Variants in RPH3A observed in about 807,000 individuals in gnomAD.
RPH3A encodes the protein rabphilin 3A, also known as rabphilin-3A.
In RPH3A, 48 loss-of-function variants were observed where a neutral mutation model predicts 102.2. That is an observed-to-expected ratio of 0.47 (90% confidence interval 0.37 to 0.60). The LOEUF (loss-of-function observed/expected upper bound fraction) is 0.60. RPH3A is among the 20% of genes least tolerant of loss of function. The pLI, the probability that RPH3A is intolerant of heterozygous loss-of-function variation, is 0.00. For synonymous variants in RPH3A, 310 were observed against 324.3 expected (o/e 0.96, Z 0.47); for missense variants, 781 against 910.1 (o/e 0.86, Z 1.83).
rs149505251 is a variant in RPH3A at position 112,896,765 on chromosome 12, C to T, written c.2070C>T (p.His690=). 1.1e-5 allele frequency: 18 copies of T among 1,614,074 alleles called. No homozygotes were observed. The highest frequency in any genetic ancestry group is 1.1e-4 in the South Asian group (10 of 91,078). Residue 690 remains histidine, a synonymous_variant, in exon 22 of 22, where the codon CAC becomes CAT. Transcript: ENST00000389385. ...ERWHQLQNEN[H]VSSD is the part of the protein sequence containing the mutation. Reference sequence around the variant, plus strand: ...GGCACCAGCTACAGAATGAGAACCACGTGTCAAGTGATTAGGCTAGTGCCC... The same window carrying T: ...GGCACCAGCTACAGAATGAGAACCATGTGTCAAGTGATTAGGCTAGTGCCC...
chr12:112,685,511 A>G (rs1469597175), intron 1 of RPH3A, among the ~76,000 whole-genome samples: 1 of 152,202 alleles, frequency 6.6e-6, no homozygotes, highest in Non-Finnish European at 1.5e-5. Context: ...CAGACCTGCA[A>G]TGATGATGAA....
intron 19 of RPH3A, 66 bp downstream of exon 19, chr12:112,891,069 C>G (rs1036699625): frequency 1.9e-6 from 3 of 1,569,844 alleles, no homozygotes; most frequent in African/African-American, 1.4e-5. Context: ...AAAAGGAGAA[C>G]CAGACAGTTT....
chr12:112,812,762 AGAG>A (rs1565895433), intron 2 of RPH3A, among the ~76,000 whole-genome samples: 1 of 152,082 alleles, frequency 6.6e-6, no homozygotes, highest in South Asian at 2.1e-4. Flanking sequence ...AAAACTGGGG[AGAG>A]GAGGAGAGGA....
chr12:112,865,282 A>G, intron 5 of RPH3A, 132 bp from the exon 6 acceptor site: 1 of 1,056,338 alleles, frequency 9.5e-7, no homozygotes, highest in East Asian at 2.5e-5. Flanking sequence ...CTTGGGGAAG[A>G]GTTCACAACT....
At chr12:112,689,007 T>G (rs2040287525) in intron 1 of RPH3A, among the ~76,000 whole-genome samples, 1 of 152,244 alleles carries the variant, frequency 6.6e-6, no homozygotes, top group Non-Finnish European at 1.5e-5. Context: ...GTGACTGACT[T>G]GCTATCATCA....
At chr12:112,854,727 T>C (rs2042380393) in intron 5 of RPH3A, among the ~76,000 whole-genome samples, 1 of 152,254 alleles carries the variant, frequency 6.6e-6, no homozygotes, top group Non-Finnish European at 1.5e-5. Context: ...GCATCTCTGC[T>C]TTACAGCTGA....
intron 1 of RPH3A, among the ~76,000 whole-genome samples, chr12:112,636,410 C>T (rs1477730122): frequency 6.6e-6 from 1 of 152,178 alleles, no homozygotes; most frequent in Non-Finnish European, 1.5e-5. Flanking sequence ...TTATATAGAA[C>T]AGTGTTTCTC....
At chr12:112,805,160 C>T (rs10850083) in intron 2 of RPH3A, among the ~76,000 whole-genome samples, 17,094 of 152,112 alleles carry the variant, frequency 0.11, 1,100 homozygotes, top group East Asian at 0.29. Flanking sequence ...AAGATTGGTG[C>T]CCCTTTTTTG....
intron 1 of RPH3A, among the ~76,000 whole-genome samples, chr12:112,766,607 G>A (rs1472727593): frequency 6.6e-6 from 1 of 152,170 alleles, no homozygotes; most frequent in African/African-American, 2.4e-5. Context: ...AGCCACTCTA[G>A]ATACTACAGT....
intron 1 of RPH3A, among the ~76,000 whole-genome samples, chr12:112,604,605 A>T (rs2039582192): frequency 1.3e-5 from 2 of 152,196 alleles, no homozygotes; most frequent in African/African-American, 4.8e-5. Flanking sequence ...GTAGCAGCTT[A>T]CATGTTGGGT....
intron 1 of RPH3A, among the ~76,000 whole-genome samples, chr12:112,599,107 T>C (rs2039539057): frequency 6.6e-6 from 1 of 152,236 alleles, no homozygotes; most frequent in Non-Finnish European, 1.5e-5. Flanking sequence ...GCCTGCTGCA[T>C]AGGCTTTGAC....
chr12:112,663,785 C>CT (rs989232354), intron 1 of RPH3A, among the ~76,000 whole-genome samples: 1 of 152,194 alleles, frequency 6.6e-6, no homozygotes, highest in Non-Finnish European at 1.5e-5. Context: ...TACTGTCTCA[C>CT]TTTTTCCATG....
chr12:112,806,224 G>C (rs933088159), intron 2 of RPH3A, among the ~76,000 whole-genome samples: 1 of 152,232 alleles, frequency 6.6e-6, no homozygotes, highest in Non-Finnish European at 1.5e-5. Flanking sequence ...GGAGTTGCAT[G>C]ATGGTTGAAA....
intron 1 of RPH3A, among the ~76,000 whole-genome samples, chr12:112,723,258 C>A (rs537249602): frequency 4.6e-5 from 7 of 151,956 alleles, no homozygotes; most frequent in Non-Finnish European, 7.4e-5. Flanking sequence ...GAAGCCTTAC[C>A]GATAACATAA....
chr12:112,770,328 C>T, intron 1 of RPH3A, among the ~76,000 whole-genome samples: 1 of 142,154 alleles, frequency 7.0e-6, no homozygotes, highest in East Asian at 2.0e-4. Context: ...CTTTTTGTTT[C>T]TTTCTTTCTT....
intron 1 of RPH3A, among the ~76,000 whole-genome samples, chr12:112,700,108 T>C (rs976952830): frequency 6.6e-6 from 1 of 152,028 alleles, no homozygotes; most frequent in African/African-American, 2.4e-5. Flanking sequence ...TCACTCTTGT[T>C]GCCTAGGCTG....
chr12:112,753,502 C>T (rs1214058808), intron 1 of RPH3A, among the ~76,000 whole-genome samples: 1 of 152,164 alleles, frequency 6.6e-6, no homozygotes, highest in African/African-American at 2.4e-5. Context: ...TGCTGATCCT[C>T]AGATGCCCTA....
upstream of RPH3A, chr12:112,791,433 G>C (rs2136084521): frequency 6.6e-6 from 1 of 152,614 alleles, no homozygotes; most frequent in East Asian, 1.9e-4. Context: ...GTGATGTCGA[G>C]AAGTCCCGTC....
intron 1 of RPH3A, among the ~76,000 whole-genome samples, chr12:112,602,024 G>A (rs2039562625): frequency 1.3e-5 from 2 of 152,164 alleles, no homozygotes. Flanking sequence ...CAGAATAGAG[G>A]CTCCCTCTGC....
Sources: gnomAD v4.1 joint callset for allele counts (sites outside exome capture counted in the v4.1 genomes callset) on GRCh38, gnomAD v4.1.1 for gene constraint, MANE v1.5 for transcripts, NCBI Gene and HGNC (gene_info 2026-07-23, HGNC 2026-07-21) for gene names.